IL6ST: variants seen among roughly 807,000 people sequenced by gnomAD.
IL6ST encodes the protein interleukin-6 receptor subunit beta.
IL6ST carries 24 observed loss-of-function variants against 91.3 expected under a neutral mutation model. The ratio of observed to expected loss-of-function variants is 0.26; its 90% CI spans 0.19 to 0.37. The LOEUF (loss-of-function observed/expected upper bound fraction) is 0.37, where lower values mean the gene tolerates loss of function less well. Among genes scored for constraint, IL6ST ranks in the 10% least tolerant of loss-of-function variants. The pLI is 1.00. For missense variants in IL6ST, 914 were observed against 1,078.5 expected (o/e 0.85, Z 2.14); for synonymous variants, 351 against 373.6 (o/e 0.94, Z 0.70).
chr5:55,944,520 A>G, intron 15 of IL6ST: 1 of 413,138 alleles, frequency 2.4e-6, no homozygotes, highest in Non-Finnish European at 4.5e-6. Context: ...AAAACTACAA[A>G]ACACTGCAAA....
intron 1 of IL6ST, among the ~76,000 whole-genome samples, chr5:55,990,021 T>C (rs1231670378): frequency 6.6e-6 from 1 of 152,132 alleles, no homozygotes; most frequent in Non-Finnish European, 1.5e-5. Flanking sequence ...AGCAGATCAA[T>C]CAACCTTAGA....
Position 55,969,733 on chromosome 5 carries a change from T to C in IL6ST, c.187A>G (p.Asn63Asp). The change falls in exon 4 of 17, where the codon AAT (asparagine) becomes GAT (aspartate). Residue 63 changes from asparagine (N) to aspartate (D), a missense_variant. Coordinates refer to ENST00000381298, the MANE Select transcript of IL6ST (RefSeq NM_002184.4). ...KCMDYFHVNANYIVWKTNHFT... is the reference protein window; with the variant it reads ...KCMDYFHVNADYIVWKTNHFT... ...TGGTTTGTTTTCCAGACAATGTAATTAGCATTTACATGAAAATAATCCATA... is the reference window on the plus strand; with the variant it reads ...TGGTTTGTTTTCCAGACAATGTAATCAGCATTTACATGAAAATAATCCATA... 5.6e-6 allele frequency: 9 copies of C among 1,611,492 alleles called. No homozygotes were observed. Among genetic ancestry groups the C allele is most frequent in the Non-Finnish European group, 7.6e-6 (9 of 1,177,714 alleles).
chr5:55,950,296 G>T lies in IL6ST; in HGVS notation c.1840+1168C>A, dbSNP rs1358317032. The T allele has an allele frequency of 7.0e-6, 3 of 426,582 alleles. No individual in the cohort carries two copies. The East Asian group carries it at 2.1e-4, about 30-fold the overall frequency. 26.4% of individuals were successfully genotyped at this position (426,582 alleles called of 1,614,324 possible). A position where few individuals can be genotyped will look rare whatever the true frequency, so the allele number is the denominator to read the frequency against. On this transcript the variant is annotated intron_variant, in intron 14 of 16. Coordinates refer to ENST00000381298, the MANE Select transcript of IL6ST (RefSeq NM_002184.4). The stretch of plus-strand genomic sequence containing the variant: ...TCATGCCTGTAATCCCAGCACTTTG[G>T]GAGGCCGAGGCAGGTGGATCACCTG...
Position 55,938,235 on chromosome 5 carries a change from G to A in IL6ST, c.*2847C>T, listed in dbSNP as rs1292920430. 1 of 192,894 alleles carries A rather than the reference G, an allele frequency of 5.2e-6. No individual in the cohort carries two copies. The highest frequency in any genetic ancestry group is 2.3e-5 in the African/African-American group (1 of 43,140). The allele number at this position is 192,894 out of a possible 1,614,324, so 11.9% of individuals were successfully genotyped here. On this transcript the variant is annotated 3_prime_UTR_variant, in exon 17 of 17. Coordinates refer to ENST00000381298, the MANE Select transcript of IL6ST (RefSeq NM_002184.4). The stretch of plus-strand genomic sequence containing the variant: ...AGGCTGAAATTTAAATGAACAATTA[G>A]GTAGAGAAGAGGTATGAACACAGAA...
chr5:55,992,895 A>G (rs900860688), intron 1 of IL6ST, among the ~76,000 whole-genome samples: 7 of 152,132 alleles, frequency 4.6e-5, no homozygotes, highest in African/African-American at 1.2e-4. Flanking sequence ...TTTTTTTCGT[A>G]TAAGTTTGTC....
chr5:55,951,533 G>A lies in IL6ST; in HGVS notation c.1771C>T (p.Arg591Ter). 1.2e-6 allele frequency: 2 copies of A among 1,610,166 alleles called. No homozygotes were observed. Among genetic ancestry groups the A allele is most frequent in the African/African-American group, 1.3e-5 (1 of 74,934 alleles). ...SLTSDTLYMV[R>*]MAAYTDEGGK... is the part of the protein sequence containing the mutation. ...CCTTCATCTGTGTATGCTGCCATTC[G>A]TACCATGTACAATGTGTCACTAGTC... Residue 591 changes from arginine to a stop codon, truncating the protein, a stop_gained, in exon 14 of 17, where the codon CGA becomes TGA. Transcript: ENST00000381298. LOFTEE classifies it high-confidence loss of function.
intron 2 of IL6ST, among the ~76,000 whole-genome samples, chr5:55,982,122 G>A (rs1753708531): frequency 6.6e-6 from 1 of 152,148 alleles, no homozygotes. Flanking sequence ...AGAAAAAGCA[G>A]TAGAGTTACA....
Position 55,935,994 on chromosome 5 carries a change from G to T in IL6ST, c.*5088C>A. The T allele has an allele frequency of 8.9e-6, 2 of 224,730 alleles. No individual in the cohort carries two copies. The highest frequency in any genetic ancestry group is 1.8e-5 in the Non-Finnish European group (2 of 112,722). 13.9% of individuals were successfully genotyped at this position (224,730 alleles called of 1,614,324 possible). A position where few individuals can be genotyped will look rare whatever the true frequency, so the allele number is the denominator to read the frequency against. On this transcript the variant is annotated 3_prime_UTR_variant, in exon 17 of 17. Transcript: ENST00000381298. The stretch of plus-strand genomic sequence containing the variant: ...AAGATTTTAAACAAAGGAGCACATA[G>T]CCCAAAGCTGACATGTTATTTCTAT...
At position 55,982,370 on chromosome 5, in the gene IL6ST, C is replaced by T. The variant is rs115934209; in HGVS notation, c.-16+354G>A. ...TTGCCAAATAGAAGGCAAAATAATGCTTGTTGAATTAATAAGTTGCGTGGG... is the reference window on the plus strand; with the variant it reads ...TTGCCAAATAGAAGGCAAAATAATGTTTGTTGAATTAATAAGTTGCGTGGG... On this transcript the variant is annotated intron_variant, in intron 2 of 16. Coordinates refer to ENST00000381298, the MANE Select transcript of IL6ST (RefSeq NM_002184.4). Among the ~76,000 whole-genome samples the T allele has an allele frequency of 5.1e-3, 778 of 152,140 alleles. 12 individuals carry two copies. The highest frequency in any genetic ancestry group is 0.018 in the African/African-American group (751 of 41,506).
intron 5 of IL6ST, among the ~76,000 whole-genome samples, chr5:55,965,024 T>C (rs1752555246): frequency 6.6e-6 from 1 of 152,156 alleles, no homozygotes. Context: ...TATTAATAGA[T>C]TTGACTTTTT....
chr5:55,945,648 CTTTTTTTTTTTTTTT>C (rs70995749), intron 15 of IL6ST, among the ~76,000 whole-genome samples: 2 of 41,684 alleles, frequency 4.8e-5, no homozygotes, highest in African/African-American at 1.0e-4. Context: ...AAAACTTATG[CTTTTTTTTTTTTTTT>C]TTTTTTTTTT....
chr5:55,957,452 T>C (rs1417696914), intron 8 of IL6ST, among the ~76,000 whole-genome samples, 161 bp from the exon 9 acceptor site: 2 of 152,210 alleles, frequency 1.3e-5, no homozygotes, highest in African/African-American at 4.8e-5. Context: ...ACAAAACACC[T>C]GGCTCTTCCT....
chr5:55,941,125 T>G lies in IL6ST; in HGVS notation c.2714A>C (p.Tyr905Ser). ...GCCTTGCCGTACAGTCTGTGGTAAG[T>G]AACTTTTAGGCATGCCTTCATCAGT... is the stretch of plus-strand genomic sequence containing the variant. ...AATDEGMPKS[Y>S]LPQTVRQGGY... Residue 905 changes from tyrosine to serine, a missense_variant, in exon 17 of 17, where the codon TAC (tyrosine) becomes TCC (serine). By Grantham distance (144) the Tyr-to-Ser change is moderately radical. Coordinates refer to ENST00000381298, the MANE Select transcript of IL6ST (RefSeq NM_002184.4). 6.2e-7 allele frequency: 1 copy of G among 1,614,076 alleles called. No individual in the cohort carries two copies. Among genetic ancestry groups the G allele is most frequent in the Non-Finnish European group, 8.5e-7 (1 of 1,179,944 alleles).
intron 1 of IL6ST, among the ~76,000 whole-genome samples, chr5:55,990,261 C>T (rs572088810): frequency 3.4e-4 from 51 of 151,828 alleles, no homozygotes; most frequent in African/African-American, 1.2e-3. Flanking sequence ...TACTAAGATA[C>T]ACTAGATAGC....
intron 3 of IL6ST, among the ~76,000 whole-genome samples, chr5:55,974,854 T>C (rs1753180038): frequency 6.6e-6 from 1 of 151,770 alleles, no homozygotes; most frequent in Non-Finnish European, 1.5e-5. Context: ...CACCATTTCA[T>C]AGATCAGGAA....
At chr5:55,942,823 A>G (rs1751003270) in intron 15 of IL6ST, 72 bp from the exon 16 acceptor site, 3 of 804,178 alleles carry the variant, frequency 3.7e-6, no homozygotes, top group Non-Finnish European at 6.3e-6. Flanking sequence ...ATTTCTAAAC[A>G]TGTTCATCAA....
At position 55,942,759 on chromosome 5, in the gene IL6ST, G is replaced by GAAAA; in HGVS notation, c.1938-12_1938-9dup. On this transcript the variant is annotated splice_polypyrimidine_tract_variant and intron_variant, in intron 15 of 16. Coordinates refer to ENST00000381298, the MANE Select transcript of IL6ST (RefSeq NM_002184.4). ...CAGATGTGTTTTTTAATTCTGAAGA[G>GAAAA]AAAAGAAAAATGGCCTATGTAAAAC... 1.9e-6 allele frequency: 3 copies of GAAAA among 1,553,806 alleles called. No homozygotes were observed.
At chr5:55,992,990 G>C (rs1356921060) in intron 1 of IL6ST, among the ~76,000 whole-genome samples, 1 of 152,200 alleles carries the variant, frequency 6.6e-6, no homozygotes, top group African/African-American at 2.4e-5. Context: ...TAATTGCTTA[G>C]TATTTGCTGT....
In IL6ST at chr5:55,936,587, T is replaced by C. The variant is rs779149834; in HGVS notation, c.*4495A>G. 2.0e-5 allele frequency: 4 copies of C among 199,904 alleles called. No homozygotes were observed. The highest frequency in any genetic ancestry group is 4.1e-5 in the Non-Finnish European group (4 of 97,042). 12.4% of individuals were successfully genotyped at this position (199,904 alleles called of 1,614,324 possible). On this transcript the variant is annotated 3_prime_UTR_variant, in exon 17 of 17. Transcript: ENST00000381298. Reference sequence around the variant, plus strand: ...AAGATGCTTATTTAGCTAACACCACTAATGATAAATGCTGTTACAAATATG... The same window carrying C: ...AAGATGCTTATTTAGCTAACACCACCAATGATAAATGCTGTTACAAATATG...
Sources: gnomAD v4.1 joint callset for allele counts (sites outside exome capture counted in the v4.1 genomes callset) on GRCh38, gnomAD v4.1.1 for gene constraint, MANE v1.5 for transcripts, NCBI Gene and HGNC (gene_info 2026-07-23, HGNC 2026-07-21) for gene names.